The following ANGPT2 variants were observed in gnomAD, a reference collection of about 807,000 sequenced individuals.
ANGPT2 encodes angiopoietin-2.
ANGPT2 carries 28 observed loss-of-function variants against 62.9 expected under a neutral mutation model. The ratio of observed to expected loss-of-function variants is 0.44; its 90% CI spans 0.33 to 0.61. The LOEUF is 0.61. ANGPT2 is among the 20% of genes least tolerant of loss of function. The probability of loss-of-function intolerance (pLI) is 0.03; values close to 1 mark genes in which losing one functional copy is unlikely to be tolerated. For synonymous variants in ANGPT2, 284 were observed against 207.8 expected (o/e 1.37, Z -3.15); for missense variants, 727 against 594.9 (o/e 1.22, Z -2.31).
chr8:6,557,330 T>C (rs779529904), intron 1 of ANGPT2, among the ~76,000 whole-genome samples: 1 of 152,130 alleles, frequency 6.6e-6, no homozygotes, highest in Non-Finnish European at 1.5e-5. Flanking sequence ...ATACCTACCA[T>C]ACTTGTGTAC....
intron 2 of ANGPT2, among the ~76,000 whole-genome samples, chr8:6,530,305 C>G (rs1454517730): frequency 6.6e-6 from 1 of 152,046 alleles, no homozygotes; most frequent in Non-Finnish European, 1.5e-5. Context: ...GTCAGGAGTT[C>G]GAGACCAGCC....
intron 1 of ANGPT2, among the ~76,000 whole-genome samples, chr8:6,557,340 C>A (rs533828814): frequency 3.3e-5 from 5 of 152,114 alleles, no homozygotes; most frequent in Non-Finnish European, 5.9e-5. Context: ...TACTTGTGTA[C>A]TAGAGATATT....
chr8:6,516,658 T>A (rs1397323483), intron 5 of ANGPT2, among the ~76,000 whole-genome samples: 8 of 152,238 alleles, frequency 5.3e-5, no homozygotes, highest in Non-Finnish European at 8.8e-5. Context: ...TAAGCTACTT[T>A]GGTTTGAGGA....
At position 6,505,305 on chromosome 8, in the gene ANGPT2, A is replaced by ATTCTT. The variant is rs1813208986; in HGVS notation, c.1328-2045_1328-2044insAAGAA. Among the ~76,000 whole-genome samples, 3 of 47,464 alleles carry ATTCTT rather than the reference A, an allele frequency of 6.3e-5. 1 individual carries two copies. In the East Asian group the frequency reaches 1.3e-3, roughly 20 times the overall value. 31.1% of individuals were successfully genotyped at this position (47,464 alleles called of 152,430 possible). Reference sequence around the variant, plus strand: ...ATATATGTTATATACATATATATGTATATAACATATATATGTTATATACAT... The same window carrying ATTCTT: ...ATATATGTTATATACATATATATGTATTCTTTATAACATATATATGTTATATACAT... On this transcript the variant is annotated intron_variant, in intron 8 of 8. Coordinates refer to ENST00000629816, the MANE Select transcript of ANGPT2 (RefSeq NM_001118887.2).
intron 4 of ANGPT2, 80 bp downstream of exon 4, chr8:6,521,098 G>C (rs975243997): frequency 2.7e-6 from 3 of 1,114,182 alleles, no homozygotes; most frequent in Middle Eastern, 4.5e-4. Flanking sequence ...TTTTCTGAAA[G>C]GTGAGAATTT....
Position 6,562,929 on chromosome 8 carries a change from C to T in ANGPT2, c.6G>A (p.Trp2Ter), listed in dbSNP as rs1437440622. ...AGCTCAGAGTAAAGAAAACAATCTG[C>T]CACATTCTTTCTTCAGTAATAAACC... is the stretch of plus-strand genomic sequence containing the variant. M[W>*]QIVFFTLSCD... Residue 2 changes from tryptophan to a stop codon, truncating the protein, a stop_gained, in exon 1 of 9, where the codon TGG becomes TGA. Coordinates refer to ENST00000629816, the MANE Select transcript of ANGPT2 (RefSeq NM_001118887.2). LOFTEE classifies it high-confidence loss of function. 6.3e-7 allele frequency: 1 copy of T among 1,584,032 alleles called. No homozygotes were observed. Among genetic ancestry groups the T allele is most frequent in the Non-Finnish European group, 8.6e-7 (1 of 1,157,154 alleles).
rs71213313 is a variant in ANGPT2 at position 6,527,899 on chromosome 8, A to ATTTTTTTTTTTTT, written c.445-236_445-224dup. Among the ~76,000 whole-genome samples, 764 of 132,888 alleles carry ATTTTTTTTTTTTT rather than the reference A, an allele frequency of 5.7e-3. 12 individuals are homozygous for ATTTTTTTTTTTTT. The highest frequency in any genetic ancestry group is 9.0e-3 in the Non-Finnish European group (551 of 61,176). The allele number at this position is 132,888 out of a possible 152,430, so 87.2% of individuals were successfully genotyped here. ...TTTTTACTCTTTTCCCCACGTCTCT[A>ATTTTTTTTTTTTT]TTTTTTTTTTTTTTGAGATGGAATC... On this transcript the variant is annotated intron_variant, in intron 2 of 8. Coordinates refer to ENST00000629816, the MANE Select transcript of ANGPT2 (RefSeq NM_001118887.2).
chr8:6,536,043 T>C (rs1226331856), intron 1 of ANGPT2, among the ~76,000 whole-genome samples: 1 of 152,024 alleles, frequency 6.6e-6, no homozygotes, highest in Admixed American at 6.6e-5. Context: ...GGCGACAGAG[T>C]GAGACCTTGT....
intron 1 of ANGPT2, among the ~76,000 whole-genome samples, chr8:6,535,492 G>C (rs1432861893): frequency 6.6e-6 from 1 of 152,206 alleles, no homozygotes; most frequent in Non-Finnish European, 1.5e-5. Flanking sequence ...TAGGTTCACA[G>C]TGGGTGAGCT....
intron 3 of ANGPT2, 126 bp downstream of exon 3, chr8:6,527,429 G>T: frequency 1.7e-6 from 2 of 1,153,186 alleles, no homozygotes; most frequent in Non-Finnish European, 1.2e-6. Flanking sequence ...CCTCCCTCAT[G>T]AGGTTTCTGA....
At chr8:6,560,601 A>G (rs1317487312) in intron 1 of ANGPT2, among the ~76,000 whole-genome samples, 1 of 149,402 alleles carries the variant, frequency 6.7e-6, no homozygotes, top group Non-Finnish European at 1.5e-5. Context: ...GTGAAAAGAT[A>G]AACATTAAGT....
intron 3 of ANGPT2, among the ~76,000 whole-genome samples, chr8:6,522,084 A>G (rs549394037): frequency 6.6e-6 from 1 of 152,290 alleles, no homozygotes; most frequent in African/African-American, 2.4e-5. Flanking sequence ...GGCCGGGCGC[A>G]GTGGCTCACG....
At chr8:6,512,281 G>A (rs1200834930) in intron 7 of ANGPT2, among the ~76,000 whole-genome samples, 5 of 152,118 alleles carry the variant, frequency 3.3e-5, no homozygotes, top group South Asian at 2.1e-4. Flanking sequence ...ACATTTAGCC[G>A]CTTCTCCGTG....
intron 5 of ANGPT2, among the ~76,000 whole-genome samples, chr8:6,517,061 A>G (rs531342904): frequency 6.6e-6 from 1 of 152,358 alleles, no homozygotes; most frequent in South Asian, 2.1e-4. Context: ...TAATTGGACT[A>G]TAAAACTTGC....
intron 1 of ANGPT2, among the ~76,000 whole-genome samples, chr8:6,536,512 C>T (rs1249022801): frequency 6.6e-6 from 1 of 152,012 alleles, no homozygotes; most frequent in Non-Finnish European, 1.5e-5. Context: ...AGTGGAGGGC[C>T]ATTTTTACCA....
At chr8:6,549,268 G>C (rs901335571) in intron 1 of ANGPT2, among the ~76,000 whole-genome samples, 1 of 152,264 alleles carries the variant, frequency 6.6e-6, no homozygotes, top group African/African-American at 2.4e-5. Context: ...GCGAAACACT[G>C]CACGGTGATG....
intron 3 of ANGPT2, 145 bp downstream of exon 3, chr8:6,527,410 C>T: frequency 1.0e-6 from 1 of 960,448 alleles, no homozygotes; most frequent in Non-Finnish European, 1.5e-6. Flanking sequence ...TCCAAGCCCT[C>T]TCCCTTCTCC....
chr8:6,531,468 T>C (rs992661624), intron 2 of ANGPT2, among the ~76,000 whole-genome samples: 2 of 152,076 alleles, frequency 1.3e-5, no homozygotes, highest in Non-Finnish European at 2.9e-5. Context: ...TGTTTGTATT[T>C]TTTAGTAGAG....
chr8:6,550,160 A>T (rs998068542), intron 1 of ANGPT2, among the ~76,000 whole-genome samples: 1 of 152,232 alleles, frequency 6.6e-6, no homozygotes, highest in Non-Finnish European at 1.5e-5. Context: ...TTCCCCGCAC[A>T]ACCTGGAAAC....
Sources: allele counts gnomAD v4.1 joint callset (sites outside exome capture counted in the v4.1 genomes callset), GRCh38; gene constraint gnomAD v4.1.1; transcripts MANE v1.5; gene names NCBI Gene and HGNC (gene_info 2026-07-23, HGNC 2026-07-21).